EPYC: variants seen among roughly 807,000 people sequenced by gnomAD.
EPYC encodes dermatan sulfate proteoglycan 3.
EPYC carries 28 observed loss-of-function variants against 30.1 expected under a neutral mutation model. The ratio of observed to expected loss-of-function variants is 0.93; its 90% CI spans 0.69 to 1.28. EPYC has a LOEUF of 1.28. EPYC is among the 50% of genes most tolerant of loss of function. The pLI is 0.00. For synonymous variants in EPYC, 144 were observed against 141.4 expected, an observed-to-expected ratio of 1.02 and a Z score of -0.13; for missense variants, 382 against 383.5, an observed-to-expected ratio of 1.00 and a Z score of 0.03.
intron 2 of EPYC, among the ~76,000 whole-genome samples, chr12:90,992,667 T>C (rs1002713335): frequency 1.3e-5 from 2 of 152,128 alleles, no homozygotes; most frequent in African/African-American, 4.8e-5. Context: ...ATTTACAAAC[T>C]GTGCCAGAAA....
intron 2 of EPYC, among the ~76,000 whole-genome samples, chr12:90,986,104 A>T (rs1032587631): frequency 1.3e-5 from 2 of 151,954 alleles, no homozygotes; most frequent in African/African-American, 4.8e-5. Context: ...CCAAAGTTGG[A>T]GCTATTATCT....
intron 5 of EPYC, 79 bp downstream of exon 5, chr12:90,971,721 C>T (rs757370132): frequency 5.6e-5 from 28 of 498,968 alleles, no homozygotes; most frequent in Non-Finnish European, 7.6e-5. Context: ...TTTATTTTCC[C>T]TACACGAATA....
chr12:90,998,303 G>T (rs920204113), intron 2 of EPYC, among the ~76,000 whole-genome samples: 2 of 151,964 alleles, frequency 1.3e-5, no homozygotes, highest in Non-Finnish European at 2.9e-5. Context: ...TGCAGTAAAA[G>T]CTGCAACCAT....
chr12:90,990,805 A>G (rs1008670756), intron 2 of EPYC, among the ~76,000 whole-genome samples: 1 of 152,166 alleles, frequency 6.6e-6, no homozygotes, highest in Non-Finnish European at 1.5e-5. Flanking sequence ...TGATAAAAAA[A>G]CACCCTGCCA....
At position 90,972,821 on chromosome 12, in the gene EPYC, C is replaced by G. The variant is rs1877086396; in HGVS notation, c.499+1G>C. ...AAGGCCGTTAATGCTGTCATCCATA[C>G]TTAGGCTTGCAAAGTCATTTTTGTT... On this transcript the variant is annotated splice_donor_variant, in intron 4 of 6. Coordinates refer to ENST00000261172, the MANE Select transcript of EPYC (RefSeq NM_004950.5). LOFTEE classifies it high-confidence loss of function. 1 of 1,612,826 alleles carries G rather than the reference C, an allele frequency of 6.2e-7. No homozygotes were observed. Among genetic ancestry groups the G allele is most frequent in the Admixed American group, 1.7e-5 (1 of 59,888 alleles).
At chr12:90,976,287 A>G (rs1877178192) in intron 3 of EPYC, among the ~76,000 whole-genome samples, 1 of 152,142 alleles carries the variant, frequency 6.6e-6, no homozygotes, top group Non-Finnish European at 1.5e-5. Flanking sequence ...TGTATTGTAC[A>G]CTAAAAATTT....
chr12:90,985,574 G>A (rs1435847959), intron 2 of EPYC, among the ~76,000 whole-genome samples: 2 of 152,166 alleles, frequency 1.3e-5, no homozygotes, highest in Non-Finnish European at 2.9e-5. Flanking sequence ...ACAAACCTTG[G>A]TGGTTCAGAG....
intron 3 of EPYC, among the ~76,000 whole-genome samples, chr12:90,977,521 G>A (rs1877215557): frequency 6.6e-6 from 1 of 152,042 alleles, no homozygotes; most frequent in Non-Finnish European, 1.5e-5. Flanking sequence ...CTTCAAACCT[G>A]CTATGTAACA....
intron 2 of EPYC, among the ~76,000 whole-genome samples, chr12:90,980,132 G>A (rs541579921): frequency 1.8e-4 from 27 of 152,228 alleles, no homozygotes; most frequent in Non-Finnish European, 2.9e-4. Flanking sequence ...CAGGAAGAGC[G>A]GAAATTGAGA....
intron 2 of EPYC, among the ~76,000 whole-genome samples, chr12:91,001,822 C>T (rs1877828799): frequency 6.6e-6 from 1 of 151,906 alleles, no homozygotes; most frequent in South Asian, 2.1e-4. Flanking sequence ...TTTCTCTGTT[C>T]TAACTTCACA....
At chr12:90,968,134 T>G (rs138261347) in intron 6 of EPYC, among the ~76,000 whole-genome samples, 1 of 152,212 alleles carries the variant, frequency 6.6e-6, no homozygotes, top group South Asian at 2.1e-4. Context: ...TTGACCCTGA[T>G]GTATTAACCC....
At chr12:91,002,715 C>T in intron 1 of EPYC, 137 bp from the exon 2 acceptor site, 1 of 640,524 alleles carries the variant, frequency 1.6e-6, no homozygotes. Context: ...AATTTATAAA[C>T]ATAACACACA....
At chr12:90,986,256 C>T (rs764498163) in intron 2 of EPYC, among the ~76,000 whole-genome samples, 2 of 152,090 alleles carry the variant, frequency 1.3e-5, no homozygotes, top group Non-Finnish European at 2.9e-5. Flanking sequence ...GACCCCACCA[C>T]TCTTCTTATC....
At chr12:90,995,561 G>A (rs1178073781) in intron 2 of EPYC, among the ~76,000 whole-genome samples, 3 of 151,710 alleles carry the variant, frequency 2.0e-5, no homozygotes, top group Non-Finnish European at 2.9e-5. Flanking sequence ...AAAACTCGGG[G>A]CAAAATTCTG....
intron 2 of EPYC, among the ~76,000 whole-genome samples, chr12:90,998,986 T>C (rs751817186): frequency 6.6e-6 from 1 of 152,090 alleles, no homozygotes; most frequent in African/African-American, 2.4e-5. Context: ...CTTACCAAAT[T>C]GGTCCTTCTA....
rs777788937 is a variant in EPYC, at chr12:90,972,847, G to T, written c.474C>A (p.Ile158=). ...FYSRFNRIKK[I]NKNDFASLSD... ...TTAGGCTTGCAAAGTCATTTTTGTT[G>T]ATCTTTTTAATTCTGTTAAAGCGGG... is the stretch of plus-strand genomic sequence containing the variant. The change falls in exon 4 of 7, where the codon ATC becomes ATA. Residue 158 remains isoleucine, a synonymous_variant. Coordinates refer to ENST00000261172, the MANE Select transcript of EPYC (RefSeq NM_004950.5). The T allele has an allele frequency of 1.9e-6, 3 of 1,613,332 alleles. No homozygotes were observed. Among genetic ancestry groups the T allele is most frequent in the South Asian group, 1.1e-5 (1 of 91,016 alleles).
chr12:90,969,963 G>T, intron 6 of EPYC, 81 bp downstream of exon 6: 1 of 950,442 alleles, frequency 1.1e-6, no homozygotes, highest in Non-Finnish European at 1.7e-6. Context: ...TGCCATTACA[G>T]ACAAATTCTT....
At chr12:90,972,382 A>G (rs1453537966) in intron 4 of EPYC, among the ~76,000 whole-genome samples, 2 of 152,226 alleles carry the variant, frequency 1.3e-5, no homozygotes, top group African/African-American at 4.8e-5. Context: ...GACAACACAT[A>G]CCAAAATTCT....
At chr12:90,992,606 G>A (rs1341632773) in intron 2 of EPYC, among the ~76,000 whole-genome samples, 1 of 152,130 alleles carries the variant, frequency 6.6e-6, no homozygotes, top group African/African-American at 2.4e-5. Context: ...TATTCAGAAA[G>A]AAAGAGAAAC....
Sources: gnomAD v4.1 joint callset for allele counts (sites outside exome capture counted in the v4.1 genomes callset) on GRCh38, gnomAD v4.1.1 for gene constraint, MANE v1.5 for transcripts, NCBI Gene and HGNC (gene_info 2026-07-23, HGNC 2026-07-21) for gene names.